Variants in HSP90AA1 observed in about 807,000 individuals in gnomAD.
HSP90AA1 encodes heat shock protein HSP 90-alpha.
HSP90AA1 carries 18 observed loss-of-function variants against 73.3 expected under a neutral mutation model. That is an observed-to-expected ratio of 0.25 (90% confidence interval 0.17 to 0.36). The LOEUF is 0.36. HSP90AA1 is among the 10% of genes least tolerant of loss of function. HSP90AA1 has a pLI of 1.00. For missense variants in HSP90AA1, 704 were observed against 874.2 expected (o/e 0.81, Z 2.45); for synonymous variants, 477 against 296.9 (o/e 1.61, Z -6.24).
At chr14:102,082,519 G>C in intron 9 of HSP90AA1, 75 bp from the exon 10 acceptor site, 1 of 1,190,864 alleles carries the variant, frequency 8.4e-7, no homozygotes, top group Non-Finnish European at 1.2e-6. Context: ...GAAATCTGTA[G>C]AACCCAAATT....
chr14:102,085,346 C>T lies in HSP90AA1; in HGVS notation c.615G>A (p.Glu205=), dbSNP rs140980766. ...TAAACTGAGAATGTTTCTTCACAAT[C>T]TCCTTTATTCTTCGTTCCTCCAAGT... is the stretch of plus-strand genomic sequence containing the variant. The part of the protein sequence containing the change: ...TEYLEERRIK[E]IVKKHSQFIG... The change falls in exon 4 of 11, where the codon GAG becomes GAA. Residue 205 remains glutamate, a synonymous_variant. Coordinates refer to ENST00000216281, the MANE Select transcript of HSP90AA1 (RefSeq NM_005348.4). The T allele has an allele frequency of 1.9e-5, 30 of 1,612,366 alleles. No homozygotes were observed. In the Admixed American group the frequency reaches 3.8e-4, roughly 21 times the overall value.
At chr14:102,097,301 AAAG>A (rs1026830440) in intron 2 of HSP90AA1, among the ~76,000 whole-genome samples, 1 of 146,596 alleles carries the variant, frequency 6.8e-6, no homozygotes, top group Non-Finnish European at 1.5e-5. Context: ...AATTTTTTTT[AAAG>A]AAGAAAGAAT....
In HSP90AA1 at chr14:102,109,288, T is replaced by C. The variant is rs2049609593; in HGVS notation, c.156-7203A>G. On this transcript the variant is annotated intron_variant, in intron 1 of 11. Coordinates refer to the HSP90AA1 transcript ENST00000334701. Reference sequence around the variant, plus strand: ...TCATCCATGTTGTATGTAACAGTAGTTCCAAGTTGAATATCCCTGATACGG... The same window carrying C: ...TCATCCATGTTGTATGTAACAGTAGCTCCAAGTTGAATATCCCTGATACGG... Among the ~76,000 whole-genome samples, 4 of 152,200 alleles carry C rather than the reference T, an allele frequency of 2.6e-5. No homozygotes were observed. In the South Asian group the frequency reaches 8.3e-4, roughly 32 times the overall value.
At chr14:102,095,379 C>T (rs150904126) in intron 2 of HSP90AA1, among the ~76,000 whole-genome samples, 1 of 152,200 alleles carries the variant, frequency 6.6e-6, no homozygotes, top group African/African-American at 2.4e-5. Flanking sequence ...TCCCTATCAC[C>T]CCTCACCTGC....
chr14:102,084,124 C>A, intron 6 of HSP90AA1, 141 bp from the exon 7 acceptor site: 1 of 784,402 alleles, frequency 1.3e-6, no homozygotes, highest in Non-Finnish European at 2.2e-6. Context: ...GGCTGGAGGG[C>A]AGTGGCGCAA....
At chr14:102,124,350 C>T (rs977218852) in intron 1 of HSP90AA1, among the ~76,000 whole-genome samples, 2 of 151,766 alleles carry the variant, frequency 1.3e-5, no homozygotes, top group Non-Finnish European at 2.9e-5. Flanking sequence ...CGCCACCATG[C>T]CCAGCTAATT....
intron 1 of HSP90AA1, among the ~76,000 whole-genome samples, chr14:102,112,770 T>C (rs1218864193): frequency 2.0e-5 from 3 of 152,124 alleles, no homozygotes; most frequent in Admixed American, 1.3e-4. Flanking sequence ...CGTGAGCCAC[T>C]GTGCCCAGTT....
chr14:102,081,383 C>G lies in HSP90AA1; in HGVS notation c.*329G>C. ...GATACAGCTCAGAACACTTCAATAA[C>G]AAGATTTGGTCTACTTAGGCATCCG... On this transcript the variant is annotated 3_prime_UTR_variant, in exon 11 of 11. Transcript: ENST00000216281. The G allele has an allele frequency of 2.3e-6, 1 of 443,780 alleles. No homozygotes were observed. Among genetic ancestry groups the G allele is most frequent in the Non-Finnish European group, 4.1e-6 (1 of 243,254 alleles). 27.5% of individuals were successfully genotyped at this position (443,780 alleles called of 1,614,324 possible).
At position 102,082,133 on chromosome 14, in the gene HSP90AA1, G is replaced by A. The variant is rs114622252; in HGVS notation, c.2067C>T (p.Tyr689=). The A allele has an allele frequency of 1.6e-4, 254 of 1,612,646 alleles. 3 individuals are homozygous for A. The East Asian group carries it at 5.6e-3, about 35-fold the overall frequency. ...EDPQTHANRI[Y]RMIKLGLGID... Reference sequence around the variant, plus strand: ...TACCCAGACCAAGTTTGATCATCCTGTAGATCCTGTTAGCATGTGTCTGGG... The same window carrying A: ...TACCCAGACCAAGTTTGATCATCCTATAGATCCTGTTAGCATGTGTCTGGG... The change falls in exon 10 of 11, where the codon TAC becomes TAT. Residue 689 remains tyrosine, a synonymous_variant. Transcript: ENST00000216281.
At chr14:102,138,415 A>C (rs75135210) in intron 1 of HSP90AA1, among the ~76,000 whole-genome samples, 6,809 of 152,330 alleles carry the variant, frequency 0.045, 179 homozygotes, top group Middle Eastern at 0.068. Flanking sequence ...TTTTAAGATT[A>C]GGGAAAGTCG....
rs538155365 is a variant in HSP90AA1 at position 102,102,635 on chromosome 14, C to T, written c.156-550G>A. 1.1e-3 allele frequency among the ~76,000 whole-genome samples: 175 copies of T among 152,300 alleles called. 1 individual carries two copies. The highest frequency in any genetic ancestry group is 2.0e-3 in the Non-Finnish European group (135 of 68,014). On this transcript the variant is annotated intron_variant, in intron 1 of 11. Transcript: ENST00000334701. ...TCTGTATGAAGAAGAGGCTCTGCCA[C>T]GCATACGACTTGTGAGAGTTTCTCA...
At chr14:102,082,498 C>T in intron 9 of HSP90AA1, 54 bp from the exon 10 acceptor site, 1 of 1,425,930 alleles carries the variant, frequency 7.0e-7, no homozygotes, top group South Asian at 1.2e-5. Flanking sequence ...CCTAAACTTT[C>T]ATTGTGAAAT....
chr14:102,116,110 C>A (rs2049703191), intron 1 of HSP90AA1, among the ~76,000 whole-genome samples: 2 of 152,070 alleles, frequency 1.3e-5, no homozygotes, highest in African/African-American at 4.8e-5. Context: ...CGCCACCACG[C>A]CCAACTAATT....
chr14:102,103,869 C>T (rs184208165), intron 1 of HSP90AA1, among the ~76,000 whole-genome samples: 249 of 150,606 alleles, frequency 1.7e-3, no homozygotes, highest in African/African-American at 5.5e-3. Flanking sequence ...CCAGGTGTGG[C>T]GGTGTGCACC....
rs1335834188 is a variant in HSP90AA1 at position 102,081,049 on chromosome 14, C to T, written c.*663G>A. ...TAAATAAGACACTGTCACACAATAT[C>T]TTTTAACTCATCTGTATTTGTTACA... On this transcript the variant is annotated 3_prime_UTR_variant, in exon 11 of 11. Coordinates refer to ENST00000216281, the MANE Select transcript of HSP90AA1 (RefSeq NM_005348.4). The T allele has an allele frequency of 4.4e-6, 1 of 227,946 alleles. No individual in the cohort carries two copies. The highest frequency in any genetic ancestry group is 8.7e-6 in the Non-Finnish European group (1 of 114,926). The allele number at this position is 227,946 out of a possible 1,614,324, so 14.1% of individuals were successfully genotyped here. A position where few individuals can be genotyped will look rare whatever the true frequency, so the allele number is the denominator to read the frequency against.
intron 1 of HSP90AA1, among the ~76,000 whole-genome samples, chr14:102,107,215 C>G (rs578238042): frequency 3.4e-4 from 51 of 152,096 alleles, no homozygotes; most frequent in Admixed American, 1.2e-3. Flanking sequence ...GCAGTAGTGC[C>G]CCAACCCTGG....
At chr14:102,106,537 A>ATTTTTTTTTTTTTTTTTTTTTTT (rs10562409) in intron 1 of HSP90AA1, among the ~76,000 whole-genome samples, 1 of 79,814 alleles carries the variant, frequency 1.3e-5, no homozygotes, top group Non-Finnish European at 2.5e-5. Flanking sequence ...TGTTGAGCTA[A>ATTTTTTTTTTTTTTTTTTTTTTT]TTTTTTTTTT....
intron 1 of HSP90AA1, among the ~76,000 whole-genome samples, chr14:102,122,767 G>A (rs1440912857): frequency 6.6e-5 from 10 of 150,682 alleles, no homozygotes; most frequent in South Asian, 2.1e-4. Flanking sequence ...TCCTGGGTTC[G>A]AGCGATTCTC....
At chr14:102,100,137 G>C (rs549472083) in intron 2 of HSP90AA1, among the ~76,000 whole-genome samples, 1 of 152,226 alleles carries the variant, frequency 6.6e-6, no homozygotes, top group South Asian at 2.1e-4. Context: ...GCAGTAAGCT[G>C]AGATTGTGCC....
Sources: allele counts gnomAD v4.1 joint callset (sites outside exome capture counted in the v4.1 genomes callset), GRCh38; gene constraint gnomAD v4.1.1; transcripts MANE v1.5; gene names NCBI Gene and HGNC (gene_info 2026-07-23, HGNC 2026-07-21).